Variants in GAPDH observed in about 807,000 individuals in gnomAD.
GAPDH encodes the protein OCAS, p38 component.
GAPDH carries 13 observed loss-of-function variants against 31.2 expected under a neutral mutation model. The ratio of observed to expected loss-of-function variants is 0.42; its 90% CI spans 0.27 to 0.66. The LOEUF (loss-of-function observed/expected upper bound fraction) is 0.66. Among genes scored for constraint, GAPDH ranks in the 30% least tolerant of loss-of-function variants. The pLI is 0.26. For synonymous variants in GAPDH, 211 were observed against 166.9 expected, an observed-to-expected ratio of 1.26 and a Z score of -2.04; for missense variants, 300 against 443.7, an observed-to-expected ratio of 0.68 and a Z score of 2.91.
rs368124080 is a variant in GAPDH, at chr12:6,537,658, C to T, written c.600C>T (p.Arg200=). Residue 200 remains arginine, a synonymous_variant, in exon 8 of 9, where the codon CGC becomes CGT. Transcript: ENST00000229239. This position sits in a 1 kb window ranked among gnomAD's most constrained non-coding sequence, Gnocchi z 4.9. ...GPSGKLWRDG[R]GALQNIIPAS... ...CCGGGAAACTGTGGCGTGATGGCCGCGGGGCTCTCCAGAACATCATCCCTG... is the reference window on the plus strand; with the variant it reads ...CCGGGAAACTGTGGCGTGATGGCCGTGGGGCTCTCCAGAACATCATCCCTG... The T allele has an allele frequency of 9.4e-5, 151 of 1,611,352 alleles. No homozygotes were observed. The highest frequency in any genetic ancestry group is 1.2e-4 in the Non-Finnish European group (138 of 1,179,810).
rs772368359 is a variant in GAPDH at position 6,534,812 on chromosome 12, G to C, written c.-21G>C. ...CACTGTTCTCTCCCTCCGCGCAGCC[G>C]AGCCACATCGCTCAGACACCATGGG... On this transcript the variant is annotated splice_region_variant and 5_prime_UTR_variant, in exon 2 of 9. Coordinates refer to ENST00000229239, the MANE Select transcript of GAPDH (RefSeq NM_002046.7). The C allele has an allele frequency of 8.9e-5, 144 of 1,613,242 alleles. No individual in the cohort carries two copies. The highest frequency in any genetic ancestry group is 1.2e-4 in the Non-Finnish European group (137 of 1,179,758).
At chr12:6,535,219 G>A in intron 2 of GAPDH, 2 of 1,100,354 alleles carry the variant, frequency 1.8e-6, no homozygotes, top group Non-Finnish European at 2.2e-6. Flanking sequence ...CACGGCCTCC[G>A]GCACCGCAGG....
chr12:6,537,549 G>A lies in GAPDH; in HGVS notation c.526-35G>A, dbSNP rs1273599612. 1 of 1,598,416 alleles carries A rather than the reference G, an allele frequency of 6.3e-7. No individual in the cohort carries two copies. Among genetic ancestry groups the A allele is most frequent in the Non-Finnish European group, 8.5e-7 (1 of 1,171,754 alleles). ...GGGGAGGGAGGTAGAGGGGTGATGT[G>A]GGGAGTACGCTGCAGGGCCTCACTC... On this transcript the variant is annotated intron_variant, in intron 7 of 8. Coordinates refer to ENST00000229239, the MANE Select transcript of GAPDH (RefSeq NM_002046.7). The surrounding 1 kb of genome is among the most constrained non-coding windows in gnomAD (Gnocchi z 4.9).
Position 6,537,026 on chromosome 12 carries a change from C to A in GAPDH, c.327+16C>A, listed in dbSNP as rs1181055444. 6.2e-7 allele frequency: 1 copy of A among 1,609,852 alleles called. No homozygotes were observed. Among genetic ancestry groups the A allele is most frequent in the Admixed American group, 1.7e-5 (1 of 59,510 alleles). On this transcript the variant is annotated intron_variant, in intron 5 of 8. Transcript: ENST00000229239. This position sits in a 1 kb window ranked among gnomAD's most constrained non-coding sequence, Gnocchi z 4.9. ...GAAGGCTGGGGTGAGTGCAGGAGGG[C>A]CCGCGGGAGGGGAAGCTGACTCAGC...
rs761702708 is a variant in GAPDH at position 6,536,902 on chromosome 12, T to TCC, written c.237-12_237-11dup. 7 of 1,506,664 alleles carry TCC rather than the reference T, an allele frequency of 4.6e-6. No homozygotes were observed. The highest frequency in any genetic ancestry group is 5.5e-6 in the Non-Finnish European group (6 of 1,082,978). The allele number at this position is 1,506,664 out of a possible 1,614,324, so 93.3% of individuals were successfully genotyped here. ...CCCTCAATATGGTCCTGTCCCCATC[T>TCC]CCCCCCCACCCCCATAGGCGAGATC... On this transcript the variant is annotated splice_polypyrimidine_tract_variant and intron_variant, in intron 4 of 8. Transcript: ENST00000229239.
chr12:6,534,721 T>C (rs1946419091), intron 1 of GAPDH, 89 bp from the exon 2 acceptor site: 1 of 1,135,908 alleles, frequency 8.8e-7, no homozygotes, highest in Non-Finnish European at 1.3e-6. Context: ...CGGCGCGGGC[T>C]GGGCATGGAG....
In GAPDH at chr12:6,536,530, T is replaced by A. The variant is rs949574516; in HGVS notation, c.66T>A (p.Ala22=). The A allele has an allele frequency of 8.1e-6, 13 of 1,613,716 alleles. No homozygotes were observed. Among genetic ancestry groups the A allele is most frequent in the Non-Finnish European group, 1.1e-5 (13 of 1,179,984 alleles). ...TTGGGCGCCTGGTCACCAGGGCTGC[T>A]TTTAACTCTGGTAAAGTGGATATTG... ...GRIGRLVTRA[A]FNSGKVDIVA... is the part of the protein sequence containing the mutation. The change falls in exon 3 of 9, where the codon GCT becomes GCA. Residue 22 remains alanine, a synonymous_variant. Transcript: ENST00000229239.
intron 2 of GAPDH, among the ~76,000 whole-genome samples, chr12:6,535,665 C>G (rs988769398): frequency 6.6e-6 from 1 of 152,192 alleles, no homozygotes; most frequent in Non-Finnish European, 1.5e-5. Context: ...CGCCCTTCCC[C>G]TGCCAGCCTA....
intron 2 of GAPDH, chr12:6,535,233 C>G (rs576918011): frequency 1.6e-5 from 17 of 1,083,502 alleles, no homozygotes; most frequent in Non-Finnish European, 1.8e-5. Flanking sequence ...CCGCAGGCCC[C>G]GGGATGCTAG....
Position 6,537,910 on chromosome 12 carries a change from T to G in GAPDH, c.852T>G (p.Ser284=). The G allele has an allele frequency of 6.2e-7, 1 of 1,614,112 alleles. No homozygotes were observed. Among genetic ancestry groups the G allele is most frequent in the Non-Finnish European group, 8.5e-7 (1 of 1,180,044 alleles). The change falls in exon 8 of 9, where the codon TCT becomes TCG. Residue 284 remains serine, a synonymous_variant. Transcript: ENST00000229239. The surrounding 1 kb of genome is among the most constrained non-coding windows in gnomAD (Gnocchi z 4.9). ...LGYTEHQVVS[S]DFNSDTHSST... is the part of the protein sequence containing the mutation. ...ACACTGAGCACCAGGTGGTCTCCTCTGACTTCAACAGCGACACCCACTCCT... is the reference window on the plus strand; with the variant it reads ...ACACTGAGCACCAGGTGGTCTCCTCGGACTTCAACAGCGACACCCACTCCT...
Position 6,537,635 on chromosome 12 carries a change from G to A in GAPDH, c.577G>A (p.Gly193Arg), listed in dbSNP as rs754017958. ...ATQKTVDGPS[G>R]KLWRDGRGAL... ...CCAGAAGACTGTGGATGGCCCCTCC[G>A]GGAAACTGTGGCGTGATGGCCGCGG... The change falls in exon 8 of 9, where the codon GGG becomes AGG. Residue 193 changes from glycine to arginine, a missense_variant. Coordinates refer to ENST00000229239, the MANE Select transcript of GAPDH (RefSeq NM_002046.7). The surrounding 1 kb of genome is among the most constrained non-coding windows in gnomAD (Gnocchi z 4.9). The A allele has an allele frequency of 4.3e-6, 7 of 1,611,674 alleles. No individual in the cohort carries two copies. Among genetic ancestry groups the A allele is most frequent in the Admixed American group, 1.7e-5 (1 of 60,008 alleles).
chr12:6,535,105 G>A, intron 2 of GAPDH: 1 of 778,324 alleles, frequency 1.3e-6, no homozygotes, highest in Non-Finnish European at 1.9e-6. Flanking sequence ...AGAAACAGGA[G>A]GTCCCTACTC....
chr12:6,535,076 C>T (rs1417619442), intron 2 of GAPDH: 9 of 774,722 alleles, frequency 1.2e-5, no homozygotes, highest in Middle Eastern at 3.6e-4. Flanking sequence ...CTGCCCGGAG[C>T]CTCCTTCCCC....
chr12:6,534,927 G>C, intron 2 of GAPDH, 66 bp downstream of exon 2: 1 of 1,560,846 alleles, frequency 6.4e-7, no homozygotes, highest in East Asian at 2.3e-5. Flanking sequence ...TACGAGCCTT[G>C]CGGGCTCCGG....
chr12:6,534,645 G>C (rs953746127), intron 1 of GAPDH, 76 bp downstream of exon 1: 1 of 675,892 alleles, frequency 1.5e-6, no homozygotes, highest in Non-Finnish European at 2.6e-6. Context: ...GGCCGGATGT[G>C]TTCGCGCCGC....
chr12:6,535,319 TG>T, intron 2 of GAPDH: 1 of 997,446 alleles, frequency 1.0e-6, no homozygotes, highest in Non-Finnish European at 1.2e-6. Flanking sequence ...GGGAAGGAAA[TG>T]AATGGGCAGC....
chr12:6,537,283 G>A lies in GAPDH; in HGVS notation c.444-26G>A, dbSNP rs762537181. 1 of 1,600,544 alleles carries A rather than the reference G, an allele frequency of 6.2e-7. No individual in the cohort carries two copies. The highest frequency in any genetic ancestry group is 1.8e-5 in the Admixed American group (1 of 56,174). On this transcript the variant is annotated intron_variant, in intron 6 of 8. Coordinates refer to ENST00000229239, the MANE Select transcript of GAPDH (RefSeq NM_002046.7). The surrounding 1 kb of genome is among the most constrained non-coding windows in gnomAD (Gnocchi z 4.9). ...CCCTATGGACACGCTCCCCTGACTT[G>A]CGCCCCGCTCCCTCTTTCTTTGCAG...
chr12:6,535,312 A>C, intron 2 of GAPDH: 1 of 999,636 alleles, frequency 1.0e-6, no homozygotes, highest in African/African-American at 1.7e-5. Context: ...TGCAACCGGG[A>C]AGGAAATGAA....
chr12:6,536,556 T>C lies in GAPDH; in HGVS notation c.92T>C (p.Val31Ala). The change falls in exon 3 of 9, where the codon GTT becomes GCT. Residue 31 changes from valine (V) to alanine (A), a missense_variant. Coordinates refer to ENST00000229239, the MANE Select transcript of GAPDH (RefSeq NM_002046.7). ...AAFNSGKVDI[V>A]AINDPFIDLN... ...TTTAACTCTGGTAAAGTGGATATTG[T>C]TGCCATCAATGACCCCTTCATTGAC... is the stretch of plus-strand genomic sequence containing the variant. The C allele has an allele frequency of 6.2e-7, 1 of 1,613,866 alleles. No individual in the cohort carries two copies. Among genetic ancestry groups the C allele is most frequent in the Non-Finnish European group, 8.5e-7 (1 of 1,179,948 alleles).
Sources: gnomAD v4.1 joint callset for allele counts (sites outside exome capture counted in the v4.1 genomes callset) on GRCh38, gnomAD v4.1.1 for gene constraint, Gnocchi (gnomAD v3.1) non-coding constraint, MANE v1.5 for transcripts, NCBI Gene and HGNC (gene_info 2026-07-23, HGNC 2026-07-21) for gene names.